The following LRPPRC variants were observed in gnomAD, a reference collection of about 807,000 sequenced individuals.
LRPPRC encodes the protein leucine rich pentatricopeptide repeat containing.
LRPPRC carries 120 observed loss-of-function variants against 180.3 expected under a neutral mutation model. The observed-to-expected ratio is 0.67, with a 90% CI of 0.57 to 0.77. The LOEUF is 0.77. LRPPRC is among the 30% of genes least tolerant of loss of function. The probability of loss-of-function intolerance (pLI) is 0.00; values close to 1 mark genes in which losing one functional copy is unlikely to be tolerated. For missense variants in LRPPRC, 2,012 were observed against 1,657.2 expected (o/e 1.21, Z -3.72); for synonymous variants, 723 against 600.0 (o/e 1.21, Z -3.00).
At position 43,995,807 on chromosome 2, in the gene LRPPRC, G is replaced by T; in HGVS notation, c.141C>A (p.Pro47=). 7.2e-7 allele frequency: 1 copy of T among 1,389,126 alleles called. No individual in the cohort carries two copies. The highest frequency in any genetic ancestry group is 1.6e-5 in the South Asian group (1 of 60,622). The allele number at this position is 1,389,126 out of a possible 1,614,324, so 86.1% of individuals were successfully genotyped here. A position where few individuals can be genotyped will look rare whatever the true frequency, so the allele number is the denominator to read the frequency against. ...AGGGCCTGGGCACTCACCCGGCCAC[G>T]GGCCCGGCGCGAGCGGCGGGCAGAT... ...ASYLPAARAG[P]VAGGLLSPAR... Residue 47 remains proline, a synonymous_variant, in exon 1 of 38, where the codon CCC becomes CCA. Transcript: ENST00000260665.
chr2:43,933,699 G>A lies in LRPPRC; in HGVS notation c.2736+491C>T, dbSNP rs116092382. Among the ~76,000 whole-genome samples the A allele has an allele frequency of 9.1e-3, 1,379 of 152,004 alleles. 10 individuals are homozygous for A. The highest frequency in any genetic ancestry group is 0.015 in the Non-Finnish European group (993 of 67,944). On this transcript the variant is annotated intron_variant, in intron 25 of 37. Coordinates refer to ENST00000260665, the MANE Select transcript of LRPPRC (RefSeq NM_133259.4). Reference sequence around the variant, plus strand: ...CATTTCCCATAAGCTGCTTAGCATAGTGGAAAAAAAAAGAAGAAGAAAATT... The same window carrying A: ...CATTTCCCATAAGCTGCTTAGCATAATGGAAAAAAAAAGAAGAAGAAAATT...
rs541325672 is a variant in LRPPRC at position 43,890,981 on chromosome 2, C to T, written c.3986-1105G>A. ...CTACACTGACTCTGATATTGTCAAC[C>T]GCAACTCCGGCAGCACCAGGGGAAC... On this transcript the variant is annotated intron_variant, in intron 36 of 37. Coordinates refer to ENST00000260665, the MANE Select transcript of LRPPRC (RefSeq NM_133259.4). Among the ~76,000 whole-genome samples, 5 of 152,244 alleles carry T rather than the reference C, an allele frequency of 3.3e-5. No homozygotes were observed. The South Asian group carries it at 8.3e-4, about 25-fold the overall frequency.
At chr2:43,971,485 T>TAAAAAAAAAAAA (rs528659622) in intron 11 of LRPPRC, among the ~76,000 whole-genome samples, 3,566 of 62,292 alleles carry the variant, frequency 0.057, 512 homozygotes, top group African/African-American at 0.11. Flanking sequence ...TGTGTCACAG[T>TAAAAAAAAAAAA]AAAAAAAAAA....
chr2:43,901,255 G>A (rs1178140747), intron 32 of LRPPRC, 65 bp downstream of exon 32: 2 of 1,318,914 alleles, frequency 1.5e-6, no homozygotes, highest in African/African-American at 1.4e-5. Context: ...TTTTTAAAAG[G>A]TGGTATCTGA....
At chr2:43,919,828 A>G (rs1671632139) in intron 27 of LRPPRC, among the ~76,000 whole-genome samples, 1 of 152,064 alleles carries the variant, frequency 6.6e-6, no homozygotes, top group African/African-American at 2.4e-5. Context: ...TGTATAAGAA[A>G]TATCTGGATT....
At chr2:43,985,665 G>A (rs147789139) in intron 1 of LRPPRC, among the ~76,000 whole-genome samples, 350 of 152,220 alleles carry the variant, frequency 2.3e-3, no homozygotes, top group African/African-American at 7.8e-3. Flanking sequence ...GCATGACGGC[G>A]CACTTCTTTT....
intron 25 of LRPPRC, among the ~76,000 whole-genome samples, chr2:43,928,528 T>C (rs1209527056): frequency 6.6e-6 from 1 of 152,120 alleles, no homozygotes; most frequent in Non-Finnish European, 1.5e-5. Context: ...CCTAGCCTCA[T>C]GTCCCCTAGT....
intron 30 of LRPPRC, among the ~76,000 whole-genome samples, chr2:43,911,146 C>G (rs1671240122): frequency 1.1e-5 from 1 of 93,304 alleles, no homozygotes; most frequent in Non-Finnish European, 1.9e-5. Flanking sequence ...ATCGAGTGTT[C>G]TAGATATATA....
At chr2:43,945,657 G>C (rs1672654232) in intron 21 of LRPPRC, among the ~76,000 whole-genome samples, 1 of 152,022 alleles carries the variant, frequency 6.6e-6, no homozygotes, top group South Asian at 2.1e-4. Context: ...CATCTGCAAA[G>C]GATACTTATG....
At chr2:43,976,099 A>T (rs1441208801) in intron 6 of LRPPRC, 44 bp downstream of exon 6, 1 of 1,118,894 alleles carries the variant, frequency 8.9e-7, no homozygotes, top group Non-Finnish European at 1.4e-6. Flanking sequence ...TTAGCATCTC[A>T]GCCATCTATC....
At chr2:43,948,029 TC>T in intron 18 of LRPPRC, 92 bp downstream of exon 18, 5 of 919,072 alleles carry the variant, frequency 5.4e-6, no homozygotes, top group Non-Finnish European at 8.8e-6. Context: ...AAATTTTTTT[TC>T]TGACCAAAAG....
rs1050412277 is a variant in LRPPRC, at chr2:43,889,768, T to C, written c.4094A>G (p.Tyr1365Cys). 3.1e-6 allele frequency: 5 copies of C among 1,613,448 alleles called. No homozygotes were observed. Among genetic ancestry groups the C allele is most frequent in the African/African-American group, 1.3e-5 (1 of 74,942 alleles). ...FLKRYASLLKYAGEPVPFIEP... is the reference protein window; with the variant it reads ...FLKRYASLLKCAGEPVPFIEP... The stretch of plus-strand genomic sequence containing the variant: ...AATGAAAGGGACAGGCTCTCCAGCA[T>C]ACTTCAGCAAAGATGCGTAACGCTT... Residue 1365 changes from tyrosine to cysteine, a missense_variant, in exon 37 of 38, where the codon TAT becomes TGT. By Grantham distance (194) the Tyr-to-Cys change is radical. Coordinates refer to ENST00000260665, the MANE Select transcript of LRPPRC (RefSeq NM_133259.4).
intron 25 of LRPPRC, among the ~76,000 whole-genome samples, chr2:43,931,723 T>C (rs1462061873): frequency 1.3e-5 from 2 of 152,112 alleles, no homozygotes; most frequent in African/African-American, 2.4e-5. Context: ...TGAATTAACA[T>C]AGGTACAAGA....
At chr2:43,909,296 G>C (rs982415457) in intron 30 of LRPPRC, among the ~76,000 whole-genome samples, 1 of 152,136 alleles carries the variant, frequency 6.6e-6, no homozygotes, top group Non-Finnish European at 1.5e-5. Flanking sequence ...TCAGGCTTTG[G>C]ATCTTGGGTT....
In LRPPRC at chr2:43,918,085, T is replaced by A. The variant is rs1422352615; in HGVS notation, c.3088A>T (p.Thr1030Ser). 6.2e-7 allele frequency: 1 copy of A among 1,613,784 alleles called. No homozygotes were observed. Among genetic ancestry groups the A allele is most frequent in the Non-Finnish European group, 8.5e-7 (1 of 1,179,968 alleles). Residue 1030 changes from threonine (T) to serine (S), a missense_variant, in exon 29 of 38, where the codon ACC becomes TCC. Coordinates refer to ENST00000260665, the MANE Select transcript of LRPPRC (RefSeq NM_133259.4). ...TCTTTCTGGAAATCAGGTTCTGTGG[T>A]TGAGGCTGACGAAGAATTCAGGGAA... ...KHSLNSSSAS[T>S]TEPDFQKDIL... is the part of the protein sequence containing the mutation.
At chr2:43,907,561 T>TA (rs11439071) in intron 30 of LRPPRC, among the ~76,000 whole-genome samples, 13,332 of 152,188 alleles carry the variant, frequency 0.088, 666 homozygotes, top group South Asian at 0.15. Flanking sequence ...GGTTAGCCAC[T>TA]AGCCACATGG....
At chr2:43,897,349 C>T (rs1385688229) in intron 34 of LRPPRC, among the ~76,000 whole-genome samples, 4 of 152,032 alleles carry the variant, frequency 2.6e-5, no homozygotes, top group Admixed American at 2.6e-4. Context: ...ATAGTAAAAT[C>T]AAATATGGCA....
At position 43,948,525 on chromosome 2, in the gene LRPPRC, A is replaced by G. The variant is rs568212653; in HGVS notation, c.1736-7T>C. The G allele has an allele frequency of 1.4e-6, 2 of 1,411,560 alleles. No homozygotes were observed. The highest frequency in any genetic ancestry group is 2.0e-6 in the Non-Finnish European group (2 of 995,170). The allele number at this position is 1,411,560 out of a possible 1,614,324, so 87.4% of individuals were successfully genotyped here. Reference sequence around the variant, plus strand: ...AGAAAATAGCCAACAGCTTCTGTGGAAAAAAACAAGAGAAAGCATTCCACT... The same window carrying G: ...AGAAAATAGCCAACAGCTTCTGTGGGAAAAAACAAGAGAAAGCATTCCACT... On this transcript the variant is annotated splice_polypyrimidine_tract_variant and splice_region_variant and intron_variant, in intron 16 of 37. Transcript: ENST00000260665.
At chr2:43,901,275 C>T (rs1387886288) in intron 32 of LRPPRC, 45 bp downstream of exon 32, 3 of 1,499,274 alleles carry the variant, frequency 2.0e-6, no homozygotes, top group East Asian at 4.5e-5. Context: ...AGGCAATGCC[C>T]ATTCTAGTGA....
Sources: allele counts gnomAD v4.1 joint callset (sites outside exome capture counted in the v4.1 genomes callset), GRCh38; gene constraint gnomAD v4.1.1; transcripts MANE v1.5; gene names NCBI Gene and HGNC (gene_info 2026-07-23, HGNC 2026-07-21).